The following USP47 variants were observed in gnomAD, a reference collection of about 807,000 sequenced individuals.
USP47 encodes the protein ubiquitin carboxyl-terminal hydrolase 47.
In USP47, 35 loss-of-function variants were observed where a neutral mutation model predicts 165.1. The ratio of observed to expected loss-of-function variants is 0.21; its 90% CI spans 0.16 to 0.28. USP47 has a LOEUF of 0.28. Among genes scored for constraint, USP47 ranks in the 10% least tolerant of loss-of-function variants. The pLI, the probability that USP47 is intolerant of heterozygous loss-of-function variation, is 1.00. For synonymous variants in USP47, 531 were observed against 544.5 expected, an observed-to-expected ratio of 0.98 and a Z score of 0.35; for missense variants, 1,277 against 1,607.4, an observed-to-expected ratio of 0.79 and a Z score of 3.52.
intron 1 of USP47, among the ~76,000 whole-genome samples, chr11:11,855,151 A>C (rs994016279): frequency 6.6e-6 from 1 of 152,176 alleles, no homozygotes; most frequent in Admixed American, 6.5e-5. Flanking sequence ...AAAGTATTAA[A>C]AGTAAAAGAA....
chr11:11,946,856 A>G (rs1179909628), intron 20 of USP47, among the ~76,000 whole-genome samples: 5 of 152,196 alleles, frequency 3.3e-5, no homozygotes, highest in African/African-American at 9.7e-5. Context: ...CACATTTTCT[A>G]TTAATGAGCC....
intron 11 of USP47, among the ~76,000 whole-genome samples, chr11:11,927,570 T>C (rs992469393): frequency 1.3e-5 from 2 of 152,242 alleles, no homozygotes; most frequent in East Asian, 3.9e-4. Flanking sequence ...TAGTTCTTAC[T>C]TTGCTATTAA....
chr11:11,925,174 CT>C (rs1162412021), intron 11 of USP47, among the ~76,000 whole-genome samples: 4 of 148,644 alleles, frequency 2.7e-5, no homozygotes, highest in Non-Finnish European at 6.0e-5. Flanking sequence ...GTGGTGTGAT[CT>C]CGGCTCACTG....
intron 24 of USP47, 108 bp downstream of exon 24, chr11:11,950,590 T>G (rs1333400128): frequency 3.9e-6 from 3 of 767,872 alleles, no homozygotes; most frequent in Non-Finnish European, 6.3e-6. Context: ...TAATATACAT[T>G]ATAGTGTTTT....
chr11:11,939,773 A>G (rs1855338242), intron 18 of USP47, among the ~76,000 whole-genome samples: 1 of 152,018 alleles, frequency 6.6e-6, no homozygotes, highest in Non-Finnish European at 1.5e-5. Context: ...GTCACAAAAC[A>G]TCATGTAAAC....
At chr11:11,910,530 C>T (rs1203639301) in intron 8 of USP47, among the ~76,000 whole-genome samples, 1 of 152,014 alleles carries the variant, frequency 6.6e-6, no homozygotes, top group Non-Finnish European at 1.5e-5. Flanking sequence ...GTTCCTTCAC[C>T]ACCTCCCAGG....
intron 18 of USP47, among the ~76,000 whole-genome samples, chr11:11,939,864 G>T (rs1008321592): frequency 2.0e-5 from 3 of 151,884 alleles, no homozygotes; most frequent in African/African-American, 4.8e-5. Context: ...AAGAAATTGT[G>T]TTTTTTAAAT....
Position 11,956,204 on chromosome 11 carries a change from G to A in USP47, c.*29G>A. 1.9e-6 allele frequency: 3 copies of A among 1,611,406 alleles called. No homozygotes were observed. Among genetic ancestry groups the A allele is most frequent in the South Asian group, 1.1e-5 (1 of 90,366 alleles). On this transcript the variant is annotated 3_prime_UTR_variant, in exon 28 of 28. Coordinates refer to ENST00000527733, the MANE Select transcript of USP47 (RefSeq NM_001282659.2). ...TGATAGTGTAGCATTTTCCCTGGGGGAGTTTTGGTTTTAATTAGATGGTTC... is the reference window on the plus strand; with the variant it reads ...TGATAGTGTAGCATTTTCCCTGGGGAAGTTTTGGTTTTAATTAGATGGTTC...
At position 11,922,816 on chromosome 11, in the gene USP47, T is replaced by A. The variant is rs1361029508; in HGVS notation, c.1311T>A (p.Asp437Glu). Reference sequence around the variant, plus strand: ...AGATGAGCAACGATTTCTCCAATGATGATGGTGTTGATGAAGGAATCTGTC... The same window carrying A: ...AGATGAGCAACGATTTCTCCAATGAAGATGGTGTTGATGAAGGAATCTGTC... ...SDQMSNDFSN[D>E]DGVDEGICLE... Residue 437 changes from aspartate (D) to glutamate (E), a missense_variant, in exon 11 of 28, where the codon GAT (aspartate) becomes GAA (glutamate). By Grantham distance (45) the Asp-to-Glu change is conservative. Coordinates refer to ENST00000527733, the MANE Select transcript of USP47 (RefSeq NM_001282659.2). 6.2e-7 allele frequency: 1 copy of A among 1,611,798 alleles called. No homozygotes were observed. The highest frequency in any genetic ancestry group is 8.5e-7 in the Non-Finnish European group (1 of 1,178,526).
intron 1 of USP47, among the ~76,000 whole-genome samples, chr11:11,869,733 G>A (rs1035242986): frequency 2.0e-5 from 3 of 152,182 alleles, no homozygotes; most frequent in African/African-American, 7.2e-5. Context: ...TATTATGATA[G>A]TATTAAGAGA....
Position 11,947,871 on chromosome 11 carries a change from A to G in USP47, c.3092-74A>G. 5.5e-6 allele frequency: 8 copies of G among 1,454,078 alleles called. No homozygotes were observed. The South Asian group carries it at 6.8e-5, about 12-fold the overall frequency. 90.1% of individuals were successfully genotyped at this position (1,454,078 alleles called of 1,614,324 possible). A position where few individuals can be genotyped will look rare whatever the true frequency, so the allele number is the denominator to read the frequency against. Reference sequence around the variant, plus strand: ...CTGCATACAGTGTAATAAAAAGTATATGATCTGTTTTATTTATACTCAGAG... The same window carrying G: ...CTGCATACAGTGTAATAAAAAGTATGTGATCTGTTTTATTTATACTCAGAG... On this transcript the variant is annotated intron_variant, in intron 20 of 27. Transcript: ENST00000527733.
chr11:11,942,224 A>G, intron 19 of USP47, 111 bp from the exon 20 acceptor site: 4 of 1,204,972 alleles, frequency 3.3e-6, no homozygotes, highest in Non-Finnish European at 4.6e-6. Context: ...ATATCATCAC[A>G]CATGTTATAA....
intron 11 of USP47, among the ~76,000 whole-genome samples, chr11:11,924,899 T>C (rs752711837): frequency 1.7e-4 from 26 of 152,196 alleles, no homozygotes; most frequent in African/African-American, 4.3e-4. Flanking sequence ...TTGGGGTTTT[T>C]TTCTTCCAAA....
intron 3 of USP47, among the ~76,000 whole-genome samples, chr11:11,889,816 C>T (rs1851396432): frequency 6.6e-6 from 1 of 152,144 alleles, no homozygotes; most frequent in Admixed American, 6.5e-5. Context: ...TACTGCAAGG[C>T]TACAGTAATC....
At chr11:11,944,239 C>G (rs1236186125) in intron 20 of USP47, among the ~76,000 whole-genome samples, 1 of 150,810 alleles carries the variant, frequency 6.6e-6, no homozygotes, top group Non-Finnish European at 1.5e-5. Flanking sequence ...TATGCTTCAT[C>G]TCATGGGGAG....
At chr11:11,939,667 A>T (rs1015366104) in intron 18 of USP47, among the ~76,000 whole-genome samples, 1 of 151,982 alleles carries the variant, frequency 6.6e-6, no homozygotes, top group African/African-American at 2.4e-5. Flanking sequence ...TTTAATAAGC[A>T]CTCACACATA....
chr11:11,913,212 C>G (rs1853133841), intron 8 of USP47, among the ~76,000 whole-genome samples: 1 of 118,680 alleles, frequency 8.4e-6, no homozygotes, highest in African/African-American at 3.2e-5. Context: ...ATAAAATTGT[C>G]TGTATTTTTA....
intron 8 of USP47, among the ~76,000 whole-genome samples, chr11:11,912,647 A>T (rs1047136263): frequency 2.0e-5 from 3 of 152,098 alleles, no homozygotes; most frequent in Non-Finnish European, 4.4e-5. Flanking sequence ...TTTCAAAAAA[A>T]AAGAAAGGAA....
At chr11:11,891,925 A>G (rs1445952107) in intron 3 of USP47, 43 bp from the exon 4 acceptor site, 1 of 1,586,312 alleles carries the variant, frequency 6.3e-7, no homozygotes, top group Non-Finnish European at 8.6e-7. Context: ...TTGTTTCAGC[A>G]ACATTTGCTA....
Sources: allele counts gnomAD v4.1 joint callset (sites outside exome capture counted in the v4.1 genomes callset), GRCh38; gene constraint gnomAD v4.1.1; transcripts MANE v1.5; gene names NCBI Gene and HGNC (gene_info 2026-07-23, HGNC 2026-07-21).